CD300LD: variants seen among roughly 807,000 people sequenced by gnomAD.
CD300LD encodes CMRF35-like molecule 5.
Under a neutral mutation model 20.3 loss-of-function variants are expected in CD300LD, and 18 were observed. The ratio of observed to expected loss-of-function variants is 0.89; its 90% CI spans 0.61 to 1.32. The LOEUF (loss-of-function observed/expected upper bound fraction) is 1.32. Among genes scored for constraint, CD300LD ranks in the 40% most tolerant of loss-of-function variants. CD300LD has a pLI of 0.00. For synonymous variants in CD300LD, 104 were observed against 90.1 expected (o/e 1.15, Z -0.87); for missense variants, 195 against 226.6 (o/e 0.86, Z 0.90).
At chr17:74,591,161 C>T (rs949123667) in intron 1 of CD300LD, among the ~76,000 whole-genome samples, 2 of 151,360 alleles carry the variant, frequency 1.3e-5, no homozygotes, top group African/African-American at 4.8e-5. Flanking sequence ...CACCTATAAT[C>T]CCAGCACTTT....
At chr17:74,590,765 C>G (rs495683) in intron 1 of CD300LD, 1 of 151,958 alleles carries the variant, frequency 6.6e-6, no homozygotes, top group African/African-American at 2.4e-5. Context: ...TAAAGAAAAA[C>G]TACATCTGGA....
chr17:74,580,344 C>T (rs755934423), intron 3 of CD300LD, among the ~76,000 whole-genome samples: 34 of 152,244 alleles, frequency 2.2e-4, no homozygotes, highest in Non-Finnish European at 2.9e-4. Context: ...CGTCTGCCAA[C>T]TCCCATCCGG....
At chr17:74,585,835 G>C (rs958856161) in intron 2 of CD300LD, among the ~76,000 whole-genome samples, 1 of 152,146 alleles carries the variant, frequency 6.6e-6, no homozygotes, top group South Asian at 2.1e-4. Flanking sequence ...TGCAGACCAG[G>C]CTAGACAGAA....
intron 1 of CD300LD, chr17:74,590,562 C>T (rs2030287065): frequency 1.3e-5 from 2 of 152,028 alleles, no homozygotes; most frequent in Admixed American, 1.3e-4. Context: ...CATAAACAGG[C>T]AGAGCTCCAC....
chr17:74,581,175 A>C (rs2687588), intron 3 of CD300LD, among the ~76,000 whole-genome samples: 2 of 151,692 alleles, frequency 1.3e-5, no homozygotes, highest in African/African-American at 2.4e-5. Context: ...AAAAAAACAA[A>C]CAAAAAAAAA....
Position 74,582,270 on chromosome 17 carries a change from T to G in CD300LD, c.421A>C (p.Ser141Arg). Residue 141 changes from serine to arginine, a missense_variant, in exon 3 of 4, where the codon AGC (serine) becomes CGC (arginine). Physicochemically the swap from Ser to Arg is moderately radical, Grantham distance 110. Coordinates refer to ENST00000375352, the MANE Select transcript of CD300LD (RefSeq NM_001115152.2). ...AVSEWTTTTASLAFTAAATQK... is the reference protein window; with the variant it reads ...AVSEWTTTTARLAFTAAATQK... The stretch of plus-strand genomic sequence containing the variant: ...GTGGCTGCAGCTGTGAAAGCCAGGC[T>G]TGCTGTTGTGGTTGTCCATTCTGAG... 1 of 1,613,906 alleles carries G rather than the reference T, an allele frequency of 6.2e-7. No homozygotes were observed. Among genetic ancestry groups the G allele is most frequent in the Non-Finnish European group, 8.5e-7 (1 of 1,179,832 alleles).
intron 1 of CD300LD, 155 bp downstream of exon 1, chr17:74,592,008 A>T (rs2030331397): frequency 6.4e-7 from 1 of 1,557,388 alleles, no homozygotes. Flanking sequence ...CCTGTCAGAT[A>T]ACAAAAACTT....
intron 2 of CD300LD, among the ~76,000 whole-genome samples, chr17:74,587,095 GC>G (rs2143288002): frequency 6.6e-6 from 1 of 152,024 alleles, no homozygotes; most frequent in East Asian, 1.9e-4. Flanking sequence ...GTTGTGGTGA[GC>G]CGAGATCGTG....
intron 2 of CD300LD, among the ~76,000 whole-genome samples, chr17:74,585,392 C>T (rs1239103693): frequency 1.3e-5 from 2 of 152,050 alleles, no homozygotes; most frequent in African/African-American, 2.4e-5. Flanking sequence ...TTTGTCCCAC[C>T]CACAGTACCA....
chr17:74,580,535 G>A (rs747101417), intron 3 of CD300LD, among the ~76,000 whole-genome samples: 1 of 152,164 alleles, frequency 6.6e-6, no homozygotes, highest in African/African-American at 2.4e-5. Context: ...TATTCTTGAA[G>A]GCCTTGGAGG....
At chr17:74,590,547 T>C (rs2030286605) in intron 1 of CD300LD, 1 of 152,012 alleles carries the variant, frequency 6.6e-6, no homozygotes, top group Admixed American at 6.6e-5. Flanking sequence ...GGAAGACAAT[T>C]TCACCATAAA....
At position 74,588,615 on chromosome 17, in the gene CD300LD, A is replaced by G. The variant is rs765965553; in HGVS notation, c.275T>C (p.Val92Ala). The part of the protein sequence containing the change: ...RDNQKNHVFT[V>A]TMENLKRDDA... Reference sequence around the variant, plus strand: ...ATCTCTTTTGAGATTCTCCATGGTCACGGTGAACACGTGGTTTTTCTGATT... The same window carrying G: ...ATCTCTTTTGAGATTCTCCATGGTCGCGGTGAACACGTGGTTTTTCTGATT... Residue 92 changes from valine (V) to alanine (A), a missense_variant, in exon 2 of 4, where the codon GTG becomes GCG. Val to Ala is a moderately conservative substitution (Grantham distance 64). Coordinates refer to ENST00000375352, the MANE Select transcript of CD300LD (RefSeq NM_001115152.2). 4 of 1,614,098 alleles carry G rather than the reference A, an allele frequency of 2.5e-6. No homozygotes were observed. The highest frequency in any genetic ancestry group is 3.4e-6 in the Non-Finnish European group (4 of 1,179,952).
At chr17:74,591,919 G>A (rs2030328814) in intron 1 of CD300LD, 2 of 1,096,702 alleles carry the variant, frequency 1.8e-6, no homozygotes, top group Non-Finnish European at 2.6e-6. Context: ...AACAGTCAGG[G>A]TTGAGAACCA....
chr17:74,591,926 A>G, intron 1 of CD300LD: 1 of 1,181,668 alleles, frequency 8.5e-7, no homozygotes, highest in East Asian at 2.6e-5. Flanking sequence ...AGGGTTGAGA[A>G]CCACTGTTCC....
chr17:74,586,958 T>A (rs2030177832), intron 2 of CD300LD, among the ~76,000 whole-genome samples: 1 of 152,186 alleles, frequency 6.6e-6, no homozygotes, highest in Non-Finnish European at 1.5e-5. Context: ...GAGACCAGCC[T>A]GACCAACATG....
chr17:74,589,859 C>T (rs1719507), intron 1 of CD300LD, among the ~76,000 whole-genome samples: 36,538 of 152,122 alleles, frequency 0.24, 5,752 homozygotes, highest in African/African-American at 0.45. Flanking sequence ...GCCCTGGGGG[C>T]AATTCCTGTG....
chr17:74,580,167 G>T, intron 3 of CD300LD, 54 bp from the exon 4 acceptor site: 1 of 1,186,262 alleles, frequency 8.4e-7, no homozygotes, highest in Non-Finnish European at 1.2e-6. Context: ...GAGGTCTCAG[G>T]TCTTCTCAGC....
chr17:74,591,104 G>A (rs2030301228), intron 1 of CD300LD, among the ~76,000 whole-genome samples: 1 of 151,612 alleles, frequency 6.6e-6, no homozygotes, highest in African/African-American at 2.4e-5. Flanking sequence ...GAATATATCT[G>A]AAAATTGTTT....
intron 1 of CD300LD, among the ~76,000 whole-genome samples, chr17:74,591,682 A>G (rs1334430449): frequency 6.6e-6 from 1 of 152,188 alleles, no homozygotes; most frequent in Non-Finnish European, 1.5e-5. Context: ...CAAATGTGGT[A>G]TATCCACTGT....
Sources: gnomAD v4.1 joint callset for allele counts (sites outside exome capture counted in the v4.1 genomes callset) on GRCh38, gnomAD v4.1.1 for gene constraint, MANE v1.5 for transcripts, NCBI Gene and HGNC (gene_info 2026-07-23, HGNC 2026-07-21) for gene names.